PHF21B: variants seen among roughly 807,000 people sequenced by gnomAD.
PHF21B encodes PHD finger protein 21B, also known as PHD finger protein 4.
A neutral mutation model predicts 62.2 loss-of-function variants in PHF21B; 22 were observed. That is an observed-to-expected ratio of 0.35 (90% CI 0.25 to 0.51). The LOEUF is 0.51. Among genes scored for constraint, PHF21B ranks in the 20% least tolerant of loss-of-function variants. The pLI is 0.97. For missense variants in PHF21B, 701 were observed against 707.9 expected (o/e 0.99, Z 0.11); for synonymous variants, 341 against 314.7 (o/e 1.08, Z -0.88).
chr22:44,982,023 G>A (rs2072851256), intron 2 of PHF21B, among the ~76,000 whole-genome samples: 3 of 152,358 alleles, frequency 2.0e-5, no homozygotes, highest in Admixed American at 1.3e-4. Context: ...CTTGGCAAAT[G>A]CGGTTTCCCC....
Position 45,009,385 on chromosome 22 carries a change from C to T in PHF21B, c.54+111G>A, listed in dbSNP as rs1313228815. 10 of 1,172,204 alleles carry T rather than the reference C, an allele frequency of 8.5e-6. No homozygotes were observed. Among genetic ancestry groups the T allele is most frequent in the African/African-American group, 1.6e-5 (1 of 61,950 alleles). 72.6% of individuals were successfully genotyped at this position (1,172,204 alleles called of 1,614,324 possible). A position where few individuals can be genotyped will look rare whatever the true frequency, so the allele number is the denominator to read the frequency against. Reference sequence around the variant, plus strand: ...CTCGCCCCCCGCCCCCGGGCAGGCTCCAGCCTGGAAGACCCAGAGACCCGG... The same window carrying T: ...CTCGCCCCCCGCCCCCGGGCAGGCTTCAGCCTGGAAGACCCAGAGACCCGG... On this transcript the variant is annotated intron_variant, in intron 1 of 12. Transcript: ENST00000313237. The surrounding 1 kb of genome is among the most constrained non-coding windows in gnomAD (Gnocchi z 5.9).
chr22:44,883,538 A>G (rs925654023), intron 12 of PHF21B, among the ~76,000 whole-genome samples: 11 of 152,162 alleles, frequency 7.2e-5, no homozygotes, highest in African/African-American at 2.4e-4. Flanking sequence ...CTGCCTGGGA[A>G]CGTCCTTCCC....
chr22:44,888,835 G>C (rs1890700165), intron 9 of PHF21B, among the ~76,000 whole-genome samples: 1 of 152,148 alleles, frequency 6.6e-6, no homozygotes, highest in Non-Finnish European at 1.5e-5. Context: ...ACACAGGGAG[G>C]GGGAGGCAGT....
At chr22:44,983,905 G>C (rs1322543447) in intron 2 of PHF21B, among the ~76,000 whole-genome samples, 1 of 151,842 alleles carries the variant, frequency 6.6e-6, no homozygotes, top group Admixed American at 6.6e-5. Context: ...AGTTTGGGGA[G>C]ATTCCATGCC....
chr22:44,977,233 C>CTT lies in PHF21B; in HGVS notation c.120+31310_120+31311dup, dbSNP rs35019000. ...CTATTTTGTATTTTTCATTCCCAGA[C>CTT]TTTTTTTTTAATAGTTTACCACATA... On this transcript the variant is annotated intron_variant, in intron 2 of 12. Coordinates refer to ENST00000313237, the MANE Select transcript of PHF21B (RefSeq NM_138415.5). 2.7e-3 allele frequency among the ~76,000 whole-genome samples: 405 copies of CTT among 151,548 alleles called. 4 individuals are homozygous for CTT. Among genetic ancestry groups the CTT allele is most frequent in the African/African-American group, 9.3e-3 (385 of 41,306 alleles).
intron 2 of PHF21B, among the ~76,000 whole-genome samples, chr22:44,958,019 C>T (rs558210405): frequency 5.3e-5 from 8 of 152,146 alleles, no homozygotes; most frequent in African/African-American, 1.9e-4. Flanking sequence ...TCTCCTGCCT[C>T]TGCCTCCCGA....
At chr22:44,972,959 T>C (rs1434895668) in intron 2 of PHF21B, among the ~76,000 whole-genome samples, 2 of 152,070 alleles carry the variant, frequency 1.3e-5, no homozygotes, top group Non-Finnish European at 2.9e-5. Flanking sequence ...AGGCACACCC[T>C]CCCCGCCATG....
chr22:45,000,559 A>G (rs5766277), intron 2 of PHF21B: 72,043 of 152,082 alleles, frequency 0.47, 18,601 homozygotes, highest in East Asian at 0.87. Flanking sequence ...TGGGACTACC[A>G]AAGTTATTAT....
intron 2 of PHF21B, among the ~76,000 whole-genome samples, chr22:44,941,266 C>T (rs913124059): frequency 3.9e-5 from 6 of 152,210 alleles, no homozygotes; most frequent in African/African-American, 1.4e-4. Context: ...CAGAGGTCCA[C>T]GCAGTGCTAC....
intron 2 of PHF21B, chr22:44,970,896 C>T (rs886692869): frequency 1.3e-5 from 2 of 152,248 alleles, no homozygotes; most frequent in African/African-American, 2.4e-5. Flanking sequence ...GGCTCTTCGT[C>T]TGTTTTGCCT....
intron 2 of PHF21B, among the ~76,000 whole-genome samples, chr22:44,955,093 G>A (rs1047651991): frequency 6.6e-6 from 1 of 152,218 alleles, no homozygotes; most frequent in African/African-American, 2.4e-5. Flanking sequence ...AGGGGGCAGA[G>A]GGTGGGAATG....
At chr22:44,988,944 G>A (rs1001300621) in intron 2 of PHF21B, among the ~76,000 whole-genome samples, 4 of 152,266 alleles carry the variant, frequency 2.6e-5, no homozygotes, top group South Asian at 4.1e-4. Flanking sequence ...GTGTCCTCAC[G>A]AAGGCAGACA....
chr22:44,899,108 CTCT>C (rs1293363218), intron 5 of PHF21B, among the ~76,000 whole-genome samples: 1 of 152,090 alleles, frequency 6.6e-6, no homozygotes, highest in Non-Finnish European at 1.5e-5. Context: ...AGTTTCCTGG[CTCT>C]TCTTATTTTT....
intron 2 of PHF21B, among the ~76,000 whole-genome samples, chr22:44,933,115 C>CT (rs35793325): frequency 0.56 from 78,675 of 140,918 alleles, 23,388 homozygotes; most frequent in Admixed American, 0.67. Context: ...TCTTCTATTT[C>CT]TTTTTTTTTT....
chr22:44,941,828 T>C (rs545526447), intron 2 of PHF21B, among the ~76,000 whole-genome samples: 1 of 152,072 alleles, frequency 6.6e-6, no homozygotes, highest in Admixed American at 6.5e-5. Context: ...CACCTGCCAT[T>C]GATTCATTCA....
At chr22:44,992,252 T>C (rs1257151620) in intron 2 of PHF21B, among the ~76,000 whole-genome samples, 5 of 152,342 alleles carry the variant, frequency 3.3e-5, no homozygotes, top group South Asian at 4.1e-4. Flanking sequence ...CAGAAGCCCC[T>C]TGAAGCCACT....
At chr22:44,885,760 G>A (rs935138050) in intron 11 of PHF21B, 103 bp downstream of exon 11, 28 of 1,267,416 alleles carry the variant, frequency 2.2e-5, no homozygotes, top group Non-Finnish European at 3.0e-5. Flanking sequence ...GCCCTGAAGG[G>A]AATGGACCCA....
At chr22:44,916,687 A>C in intron 3 of PHF21B, 57 bp from the exon 4 acceptor site, 2 of 1,507,588 alleles carry the variant, frequency 1.3e-6, no homozygotes, top group South Asian at 1.1e-5. Flanking sequence ...AGTGCAGGGG[A>C]GGGGCCGCCC....
chr22:44,887,145 A>T (rs2070873754), intron 10 of PHF21B, among the ~76,000 whole-genome samples: 1 of 147,440 alleles, frequency 6.8e-6, no homozygotes, highest in Non-Finnish European at 1.5e-5. Context: ...AACAAGAGCG[A>T]AACTCCATCT....
Sources: gnomAD v4.1 joint callset for allele counts (sites outside exome capture counted in the v4.1 genomes callset) on GRCh38, gnomAD v4.1.1 for gene constraint, Gnocchi (gnomAD v3.1) non-coding constraint, MANE v1.5 for transcripts, NCBI Gene and HGNC (gene_info 2026-07-23, HGNC 2026-07-21) for gene names.